WDR64: variants seen among roughly 807,000 people sequenced by gnomAD.
WDR64 encodes WD repeat-containing protein 64.
A neutral mutation model predicts 139.3 loss-of-function variants in WDR64; 112 were observed. That is an observed-to-expected ratio of 0.80 (90% confidence interval 0.69 to 0.94). WDR64 has a LOEUF of 0.94. WDR64 is among the 40% of genes least tolerant of loss of function. The pLI is 0.00. For missense variants in WDR64, 1,206 were observed against 1,293.1 expected (o/e 0.93, Z 1.03); for synonymous variants, 444 against 437.7 (o/e 1.01, Z -0.18).
At chr1:241,757,601 C>A in intron 15 of WDR64, 142 bp downstream of exon 15, 4 of 557,928 alleles carry the variant, frequency 7.2e-6, no homozygotes, top group East Asian at 3.6e-5. Flanking sequence ...TATGACCAAA[C>A]TTACTCCTTA....
chr1:241,786,624 G>A (rs9428516), intron 23 of WDR64, among the ~76,000 whole-genome samples: 72 of 152,046 alleles, frequency 4.7e-4, no homozygotes, highest in African/African-American at 1.6e-3. Flanking sequence ...TGTGGATGGA[G>A]GTTGAGGAGA....
At chr1:241,796,647 T>G (rs931961774) in intron 27 of WDR64, among the ~76,000 whole-genome samples, 1 of 152,108 alleles carries the variant, frequency 6.6e-6, no homozygotes, top group African/African-American at 2.4e-5. Context: ...CATGCGCCAC[T>G]GTGTCCAGCT....
chr1:241,705,624 G>A (rs146446925), intron 8 of WDR64, among the ~76,000 whole-genome samples: 49 of 151,152 alleles, frequency 3.2e-4, no homozygotes, highest in Admixed American at 4.0e-4. Context: ...ATGTTACCCC[G>A]TCACCTGGAC....
At chr1:241,710,956 G>A (rs1046849334) in intron 8 of WDR64, among the ~76,000 whole-genome samples, 7 of 152,234 alleles carry the variant, frequency 4.6e-5, no homozygotes, top group Non-Finnish European at 1.0e-4. Context: ...AGTGGAAGCA[G>A]GCCAGGCGCG....
chr1:241,653,707 C>T (rs12750460), intron 1 of WDR64, among the ~76,000 whole-genome samples: 6 of 151,892 alleles, frequency 4.0e-5, no homozygotes, highest in Admixed American at 1.3e-4. Context: ...CCACACCCGG[C>T]TAATTTTTTG....
intron 13 of WDR64, among the ~76,000 whole-genome samples, chr1:241,746,866 T>C (rs2148255938): frequency 6.6e-6 from 1 of 152,106 alleles, no homozygotes; most frequent in Middle Eastern, 3.4e-3. Flanking sequence ...TTCAAGTGAT[T>C]CTCCTGCCTC....
intron 10 of WDR64, among the ~76,000 whole-genome samples, chr1:241,728,843 G>C (rs1244628437): frequency 6.8e-6 from 1 of 147,074 alleles, no homozygotes; most frequent in Non-Finnish European, 1.5e-5. Context: ...TTCTATGAAG[G>C]GGAGAAATTT....
At position 241,708,154 on chromosome 1, in the gene WDR64, T is replaced by G. The variant is rs111956449; in HGVS notation, c.975-3648T>G. 6.5e-3 allele frequency among the ~76,000 whole-genome samples: 985 copies of G among 152,316 alleles called. 7 individuals carry two copies. Among genetic ancestry groups the G allele is most frequent in the African/African-American group, 0.023 (940 of 41,566 alleles). ...CAGGGCGAATATACTCCAGGGGGTA[T>G]GCAAGATGATCCATCAAATGGGGGT... On this transcript the variant is annotated intron_variant, in intron 8 of 27. Coordinates refer to ENST00000437684, the MANE Select transcript of WDR64 (RefSeq NM_001367482.1).
At chr1:241,792,368 C>G (rs965650211) in intron 25 of WDR64, among the ~76,000 whole-genome samples, 8 of 152,028 alleles carry the variant, frequency 5.3e-5, no homozygotes, top group African/African-American at 1.9e-4. Flanking sequence ...AACCCTGTCT[C>G]TACTAAAAAT....
At chr1:241,795,104 G>A in intron 25 of WDR64, 103 bp from the exon 26 acceptor site, 1 of 930,710 alleles carries the variant, frequency 1.1e-6, no homozygotes, top group East Asian at 2.5e-5. Context: ...AGTCCCTTAA[G>A]ATCACACATC....
In WDR64 at chr1:241,757,377, T is replaced by A. The variant is rs1670238002; in HGVS notation, c.1865T>A (p.Met622Lys). The A allele has an allele frequency of 6.2e-7, 1 of 1,614,016 alleles. No individual in the cohort carries two copies. Among genetic ancestry groups the A allele is most frequent in the South Asian group, 1.1e-5 (1 of 91,078 alleles). Reference protein sequence around the residue: ...QDGKHAVHLRMSTRDRNMAIP... With the variant: ...QDGKHAVHLRKSTRDRNMAIP... ...GGGAAACATGCTGTGCATCTGAGAA[T>A]GTCTACTAGAGACAGGAACATGGCT... The change falls in exon 15 of 28, where the codon ATG (methionine) becomes AAG (lysine). Residue 622 changes from methionine (M) to lysine (K), a missense_variant. By Grantham distance (95) the Met-to-Lys change is moderately conservative. Coordinates refer to ENST00000437684, the MANE Select transcript of WDR64 (RefSeq NM_001367482.1).
rs1162568239 is a variant in WDR64 at position 241,687,394 on chromosome 1, T to C, written c.840-67T>C. 6 of 1,580,044 alleles carry C rather than the reference T, an allele frequency of 3.8e-6. No individual in the cohort carries two copies. In the Admixed American group the frequency reaches 1.1e-4, roughly 29 times the overall value. ...TTCAGTTACAGTCAAAGTAAATTGC[T>C]GAATAGAAACATATTATACGTTTGT... On this transcript the variant is annotated intron_variant, in intron 7 of 27. Coordinates refer to ENST00000437684, the MANE Select transcript of WDR64 (RefSeq NM_001367482.1).
intron 8 of WDR64, among the ~76,000 whole-genome samples, chr1:241,710,610 A>C (rs72768083): frequency 0.15 from 23,349 of 152,130 alleles, 2,162 homozygotes; most frequent in Middle Eastern, 0.35. Context: ...GATGGTTGTT[A>C]GTGGGGCTGG....
chr1:241,760,599 TTAGA>T (rs1670390735), intron 15 of WDR64, among the ~76,000 whole-genome samples: 1 of 150,490 alleles, frequency 6.6e-6, no homozygotes, highest in Non-Finnish European at 1.5e-5. Context: ...AAAGAACAAC[TTAGA>T]TAGAAAATTG....
chr1:241,728,282 G>A (rs1186023413), intron 10 of WDR64, among the ~76,000 whole-genome samples: 1 of 151,842 alleles, frequency 6.6e-6, no homozygotes, highest in Non-Finnish European at 1.5e-5. Flanking sequence ...GCAGAGAGCC[G>A]AGATTGCACC....
intron 8 of WDR64, among the ~76,000 whole-genome samples, chr1:241,690,718 C>A (rs185622329): frequency 1.7e-4 from 26 of 152,054 alleles, no homozygotes; most frequent in African/African-American, 6.0e-4. Context: ...TATCAGTATA[C>A]CTGCTTTTCA....
intron 10 of WDR64, among the ~76,000 whole-genome samples, chr1:241,735,533 C>CTCCCTTTTTTTTT (rs1553373537): frequency 1.9e-5 from 2 of 103,514 alleles, no homozygotes; most frequent in African/African-American, 7.6e-5. Context: ...CTCTCTCTCT[C>CTCCCTTTTTTTTT]TTTTTTTTTT....
intron 10 of WDR64, among the ~76,000 whole-genome samples, chr1:241,733,961 A>C (rs1558497200): frequency 6.6e-6 from 1 of 152,174 alleles, no homozygotes; most frequent in Non-Finnish European, 1.5e-5. Flanking sequence ...AGAAGACTAG[A>C]GCTTAATTAA....
At chr1:241,723,010 A>T (rs902154088) in intron 9 of WDR64, among the ~76,000 whole-genome samples, 1 of 152,218 alleles carries the variant, frequency 6.6e-6, no homozygotes, top group Non-Finnish European at 1.5e-5. Context: ...ACATTAATGC[A>T]TCAAAGTATA....
Sources: gnomAD v4.1 joint callset for allele counts (sites outside exome capture counted in the v4.1 genomes callset) on GRCh38, gnomAD v4.1.1 for gene constraint, MANE v1.5 for transcripts, NCBI Gene and HGNC (gene_info 2026-07-23, HGNC 2026-07-21) for gene names.